CNTN5: variants seen among roughly 807,000 people sequenced by gnomAD.
CNTN5 encodes contactin 5.
Under a neutral mutation model 129.1 loss-of-function variants are expected in CNTN5, and 77 were observed. That is an observed-to-expected ratio of 0.60 (90% CI 0.50 to 0.72). The LOEUF (loss-of-function observed/expected upper bound fraction) is 0.72. Ranked by LOEUF, CNTN5 falls within the 30% of genes least tolerant of loss-of-function variation. The pLI is 0.00. For missense variants in CNTN5, 1,478 were observed against 1,328.8 expected, an observed-to-expected ratio of 1.11 and a Z score of -1.75; for synonymous variants, 509 against 465.6, an observed-to-expected ratio of 1.09 and a Z score of -1.20.
At chr11:99,559,212 T>G (rs1429178930) in intron 3 of CNTN5, among the ~76,000 whole-genome samples, 4 of 152,102 alleles carry the variant, frequency 2.6e-5, no homozygotes. Flanking sequence ...ATTACGAAAA[T>G]GAGGGCCATT....
At chr11:99,805,047 C>T (rs1055003854) in intron 3 of CNTN5, among the ~76,000 whole-genome samples, 10 of 151,926 alleles carry the variant, frequency 6.6e-5, no homozygotes, top group Admixed American at 6.6e-5. Context: ...TGAGAGAAAA[C>T]AGGAAATGGA....
chr11:99,110,599 G>T (rs1481112888), intron 1 of CNTN5, among the ~76,000 whole-genome samples: 1 of 152,032 alleles, frequency 6.6e-6, no homozygotes, highest in Non-Finnish European at 1.5e-5. Flanking sequence ...TTATTTTTCA[G>T]CAGCACATGT....
chr11:99,835,339 G>T (rs929778902), intron 4 of CNTN5, among the ~76,000 whole-genome samples: 1 of 152,218 alleles, frequency 6.6e-6, no homozygotes, highest in African/African-American at 2.4e-5. Flanking sequence ...TTGTGAGGTA[G>T]GGTTGGGATG....
chr11:100,308,018 CA>C (rs1018584050), intron 20 of CNTN5, among the ~76,000 whole-genome samples: 1 of 151,110 alleles, frequency 6.6e-6, no homozygotes, highest in African/African-American at 2.4e-5. Flanking sequence ...AGTGCAACAA[CA>C]AAAAAAAGCA....
At chr11:100,052,663 G>A (rs1943019476) in intron 9 of CNTN5, among the ~76,000 whole-genome samples, 1 of 151,790 alleles carries the variant, frequency 6.6e-6, no homozygotes, top group African/African-American at 2.4e-5. Flanking sequence ...ATATTATCCA[G>A]TCAAAATCCT....
At chr11:99,653,845 T>G (rs1488479714) in intron 3 of CNTN5, among the ~76,000 whole-genome samples, 1 of 152,050 alleles carries the variant, frequency 6.6e-6, no homozygotes, top group Admixed American at 6.6e-5. Context: ...CAGAGTAATT[T>G]TATAGAATTT....
chr11:100,032,340 G>A (rs1941755657), intron 9 of CNTN5, among the ~76,000 whole-genome samples: 1 of 151,680 alleles, frequency 6.6e-6, no homozygotes, highest in Admixed American at 6.6e-5. Flanking sequence ...ATTTCACTAT[G>A]GAATATTTAA....
intron 2 of CNTN5, among the ~76,000 whole-genome samples, chr11:99,438,572 A>G (rs1372611050): frequency 6.6e-6 from 1 of 152,086 alleles, no homozygotes; most frequent in Non-Finnish European, 1.5e-5. Context: ...CACACAATAT[A>G]TAACTTTTTC....
At chr11:100,126,322 T>A (rs10894483) in intron 13 of CNTN5, among the ~76,000 whole-genome samples, 19,858 of 152,150 alleles carry the variant, frequency 0.13, 1,363 homozygotes, top group East Asian at 0.21. Flanking sequence ...TTGTCAAATG[T>A]TACGTTTAAG....
At chr11:100,085,094 T>A (rs1944497746) in intron 13 of CNTN5, among the ~76,000 whole-genome samples, 1 of 151,842 alleles carries the variant, frequency 6.6e-6, no homozygotes, top group African/African-American at 2.4e-5. Flanking sequence ...GTAAATAATT[T>A]TGGGGAGAGA....
At chr11:99,381,085 A>G (rs909511506) in intron 2 of CNTN5, among the ~76,000 whole-genome samples, 1 of 152,154 alleles carries the variant, frequency 6.6e-6, no homozygotes, top group African/African-American at 2.4e-5. Context: ...ATGGTGCCCA[A>G]GTTTACAACT....
At chr11:99,331,616 A>T (rs1866002538) in intron 2 of CNTN5, among the ~76,000 whole-genome samples, 1 of 152,166 alleles carries the variant, frequency 6.6e-6, no homozygotes, top group South Asian at 2.1e-4. Context: ...AATAAAAGAA[A>T]ATATTTAGCA....
chr11:99,523,069 A>C (rs1472483437), intron 2 of CNTN5, among the ~76,000 whole-genome samples: 1 of 152,220 alleles, frequency 6.6e-6, no homozygotes, highest in Non-Finnish European at 1.5e-5. Flanking sequence ...AGCCATAGGC[A>C]ATTATCTACA....
At chr11:100,096,005 A>G (rs1015960709) in intron 13 of CNTN5, among the ~76,000 whole-genome samples, 1 of 152,090 alleles carries the variant, frequency 6.6e-6, no homozygotes, top group Admixed American at 6.6e-5. Context: ...AGCTACAAGC[A>G]GAATTAGGAT....
In CNTN5 at chr11:99,520,882, G is replaced by A. The variant is rs189554096; in HGVS notation, c.-70-35263G>A. On this transcript the variant is annotated intron_variant, in intron 2 of 24. Coordinates refer to ENST00000524871, the MANE Select transcript of CNTN5 (RefSeq NM_014361.4). Reference sequence around the variant, plus strand: ...GCACCTTTGTTTGTACTGCTTTAAGGCATCAAATAAATGTTAGTTAAGGCA... The same window carrying A: ...GCACCTTTGTTTGTACTGCTTTAAGACATCAAATAAATGTTAGTTAAGGCA... Among the ~76,000 whole-genome samples, 692 of 152,168 alleles carry A rather than the reference G, an allele frequency of 4.5e-3. 5 individuals are homozygous for A. Among genetic ancestry groups the A allele is most frequent in the Non-Finnish European group, 4.2e-3 (287 of 67,968 alleles).
At chr11:99,146,609 G>C (rs372199972) in intron 1 of CNTN5, among the ~76,000 whole-genome samples, 54 of 152,146 alleles carry the variant, frequency 3.5e-4, no homozygotes, top group African/African-American at 1.3e-3. Flanking sequence ...CCTTGTTGAT[G>C]AACATTTTCA....
chr11:100,080,559 CTG>C (rs1377105766), intron 13 of CNTN5, among the ~76,000 whole-genome samples: 1 of 152,122 alleles, frequency 6.6e-6, no homozygotes. Context: ...CTAAAGGACA[CTG>C]TTGCTGAGAA....
intron 9 of CNTN5, among the ~76,000 whole-genome samples, chr11:100,013,851 T>C (rs17094122): frequency 0.026 from 3,913 of 152,298 alleles, 180 homozygotes; most frequent in African/African-American, 0.09. Context: ...TCATTCTATC[T>C]CATATGTTTT....
intron 2 of CNTN5, among the ~76,000 whole-genome samples, chr11:99,460,680 T>C (rs1214086767): frequency 2.6e-5 from 4 of 152,020 alleles, no homozygotes; most frequent in Non-Finnish European, 5.9e-5. Flanking sequence ...TTAAAAACTT[T>C]ACGAATATAA....
Sources: gnomAD v4.1 joint callset for allele counts (sites outside exome capture counted in the v4.1 genomes callset) on GRCh38, gnomAD v4.1.1 for gene constraint, MANE v1.5 for transcripts, NCBI Gene and HGNC (gene_info 2026-07-23, HGNC 2026-07-21) for gene names.